VTI1A: variants seen among roughly 807,000 people sequenced by gnomAD.
VTI1A encodes the protein vesicle transport through interaction with t-SNAREs homolog 1A.
VTI1A carries 22 observed loss-of-function variants against 34.9 expected under a neutral mutation model. That is an observed-to-expected ratio of 0.63 (90% CI 0.45 to 0.90). The LOEUF (loss-of-function observed/expected upper bound fraction) is 0.90. Among genes scored for constraint, VTI1A ranks in the 40% least tolerant of loss-of-function variants. The pLI is 0.00. For missense variants in VTI1A, 268 were observed against 275.6 expected, an observed-to-expected ratio of 0.97 and a Z score of 0.20; for synonymous variants, 87 against 97.3, an observed-to-expected ratio of 0.89 and a Z score of 0.62.
At chr10:112,538,131 G>A in intron 4 of VTI1A, 115 bp from the exon 5 acceptor site, 1 of 783,748 alleles carries the variant, frequency 1.3e-6, no homozygotes. Context: ...ACTGTAATGG[G>A]TTGCGAACCC....
Position 112,752,629 on chromosome 10 carries a change from G to T in VTI1A, c.561-62661G>T, listed in dbSNP as rs984954211. 6.2e-6 allele frequency: 6 copies of T among 968,394 alleles called. No homozygotes were observed. In the East Asian group the frequency reaches 5.7e-4, roughly 92 times the overall value. 60.0% of individuals were successfully genotyped at this position (968,394 alleles called of 1,614,324 possible). A position where few individuals can be genotyped will look rare whatever the true frequency, so the allele number is the denominator to read the frequency against. The stretch of plus-strand genomic sequence containing the variant: ...CTGTGGCTGCCAGGGTTTTTATAAG[G>T]CCCATTTGCTTTAGCTAGGTGAAGA... On this transcript the variant is annotated intron_variant, in intron 7 of 7. Transcript: ENST00000393077.
chr10:112,483,777 CAGAGAG>C (rs10554766), intron 3 of VTI1A, among the ~76,000 whole-genome samples: 16,305 of 150,988 alleles, frequency 0.11, 965 homozygotes, highest in East Asian at 0.17. Flanking sequence ...ATGGGGATTT[CAGAGAG>C]AGAGAGAGAG....
chr10:112,617,878 G>T (rs1482104977), intron 5 of VTI1A, among the ~76,000 whole-genome samples: 3 of 152,172 alleles, frequency 2.0e-5, no homozygotes, highest in Non-Finnish European at 4.4e-5. Context: ...AAAGTGGCCG[G>T]GCACAGCGGC....
At chr10:112,527,918 T>C (rs1393280884) in intron 4 of VTI1A, among the ~76,000 whole-genome samples, 2 of 152,094 alleles carry the variant, frequency 1.3e-5, no homozygotes, top group Non-Finnish European at 2.9e-5. Flanking sequence ...TTAATTCATG[T>C]AGATACTATA....
At chr10:112,733,773 A>ATTTTATTTTATTTTG (rs764240395) in intron 7 of VTI1A, among the ~76,000 whole-genome samples, 6,113 of 149,178 alleles carry the variant, frequency 0.041, 571 homozygotes, top group African/African-American at 0.12. Flanking sequence ...ATTTTATTTT[A>ATTTTATTTTATTTTG]AGAGAGAGTT....
the VTI1A span, among the ~76,000 whole-genome samples, chr10:112,835,045 G>A: frequency 1.3e-5 from 2 of 152,100 alleles, no homozygotes; most frequent in Non-Finnish European, 2.9e-5. Context: ...AAAAAAAATG[G>A]CATGTCTGAG....
At chr10:112,538,433 C>T in intron 5 of VTI1A, 103 bp downstream of exon 5, 1 of 1,066,196 alleles carries the variant, frequency 9.4e-7, no homozygotes, top group Non-Finnish European at 1.4e-6. Context: ...AGACAGCAGC[C>T]CGAGATGTGG....
At chr10:112,710,989 T>C (rs563482671) in intron 7 of VTI1A, among the ~76,000 whole-genome samples, 1 of 152,380 alleles carries the variant, frequency 6.6e-6, no homozygotes, top group African/African-American at 2.4e-5. Context: ...TGGGCAGTTT[T>C]AATATTCTCA....
In VTI1A at chr10:112,668,901, G is replaced by T. The variant is rs1847743988; in HGVS notation, c.499-36G>T. 9 of 1,606,568 alleles carry T rather than the reference G, an allele frequency of 5.6e-6. No homozygotes were observed. In the South Asian group the frequency reaches 6.6e-5, roughly 12 times the overall value. ...CATGCACTTTAGAAATAATCTAATT[G>T]CATGAACTTCTGTTTTGTTTTGTTT... is the stretch of plus-strand genomic sequence containing the variant. On this transcript the variant is annotated intron_variant, in intron 6 of 7. Coordinates refer to ENST00000393077, the MANE Select transcript of VTI1A (RefSeq NM_145206.4).
At chr10:112,612,026 C>T (rs1251257149) in intron 5 of VTI1A, among the ~76,000 whole-genome samples, 1 of 152,088 alleles carries the variant, frequency 6.6e-6, no homozygotes, top group African/African-American at 2.4e-5. Context: ...CAGGCGTGAA[C>T]CACCGTGCCC....
chr10:112,580,247 G>T (rs780197417), intron 5 of VTI1A, among the ~76,000 whole-genome samples: 1 of 152,152 alleles, frequency 6.6e-6, no homozygotes, highest in African/African-American at 2.4e-5. Flanking sequence ...TGAAGCAGGG[G>T]TGAAAGAAGC....
In VTI1A at chr10:112,618,522, T is replaced by TAG. The variant is rs1350356577; in HGVS notation, c.428-49695_428-49694insGA. ...ATATATATATATATATATATATATA[T>TAG]ATAGAGAGAGAGAGAGAGAGAGAGA... On this transcript the variant is annotated intron_variant, in intron 5 of 7. Transcript: ENST00000393077. 5.2e-3 allele frequency among the ~76,000 whole-genome samples: 228 copies of TAG among 43,630 alleles called. 1 individual carries two copies. Among genetic ancestry groups the TAG allele is most frequent in the East Asian group, 0.029 (28 of 978 alleles). The allele number at this position is 43,630 out of a possible 152,430, so 28.6% of individuals were successfully genotyped here. A position where few individuals can be genotyped will look rare whatever the true frequency, so the allele number is the denominator to read the frequency against.
intron 5 of VTI1A, among the ~76,000 whole-genome samples, chr10:112,618,524 TAGAG>T (rs6144094): frequency 2.9e-5 from 1 of 34,580 alleles, no homozygotes. Context: ...TATATATATA[TAGAG>T]AGAGAGAGAG....
chr10:112,540,090 C>G (rs1850807248), intron 5 of VTI1A, among the ~76,000 whole-genome samples: 1 of 152,144 alleles, frequency 6.6e-6, no homozygotes, highest in Admixed American at 6.6e-5. Context: ...ACACTGATCA[C>G]AAGGCTTGCT....
intron 5 of VTI1A, among the ~76,000 whole-genome samples, chr10:112,639,392 A>G (rs1363005507): frequency 6.6e-6 from 1 of 152,220 alleles, no homozygotes; most frequent in Non-Finnish European, 1.5e-5. Context: ...CTAATTGGAT[A>G]GTTATTCTAT....
At chr10:112,727,507 C>T (rs989548619) in intron 7 of VTI1A, among the ~76,000 whole-genome samples, 1 of 151,978 alleles carries the variant, frequency 6.6e-6, no homozygotes, top group Admixed American at 6.6e-5. Context: ...AAATTATAAG[C>T]AGTCATTAAC....
chr10:112,447,504 A>C (rs1846913182), intron 1 of VTI1A, 37 bp downstream of exon 1: 3 of 1,605,856 alleles, frequency 1.9e-6, no homozygotes, highest in Non-Finnish European at 2.6e-6. Context: ...GGTGCTGGGG[A>C]GAGCTGGGAG....
chr10:112,471,367 A>ATTTTTTTTTTTTTTTTTTTT (rs576549183), intron 3 of VTI1A, among the ~76,000 whole-genome samples: 1 of 94,400 alleles, frequency 1.1e-5, no homozygotes, highest in Non-Finnish European at 2.1e-5. Flanking sequence ...ATTCTTATTG[A>ATTTTTTTTTTTTTTTTTTTT]TTTTTTTTTT....
intron 7 of VTI1A, among the ~76,000 whole-genome samples, chr10:112,808,124 G>A (rs1223003405): frequency 2.0e-5 from 3 of 151,814 alleles, no homozygotes; most frequent in Non-Finnish European, 4.4e-5. Context: ...AGGCTGAGGT[G>A]GGACGATCAC....
Sources: allele counts gnomAD v4.1 joint callset (sites outside exome capture counted in the v4.1 genomes callset), GRCh38; gene constraint gnomAD v4.1.1; transcripts MANE v1.5; gene names NCBI Gene and HGNC (gene_info 2026-07-23, HGNC 2026-07-21).